The following PALLD variants were observed in gnomAD, a reference collection of about 807,000 sequenced individuals.
PALLD encodes palladin, cytoskeletal associated protein.
Under a neutral mutation model 123.5 loss-of-function variants are expected in PALLD, and 61 were observed. The ratio of observed to expected loss-of-function variants is 0.49; its 90% CI spans 0.40 to 0.61. The LOEUF is 0.61. PALLD is among the 20% of genes least tolerant of loss of function. PALLD has a pLI of 0.00. For missense variants in PALLD, 1,273 were observed against 1,377.0 expected, an observed-to-expected ratio of 0.92 and a Z score of 1.20; for synonymous variants, 465 against 496.4, an observed-to-expected ratio of 0.94 and a Z score of 0.84.
At chr4:168,553,453 G>A (rs572721439) in intron 2 of PALLD, among the ~76,000 whole-genome samples, 1 of 152,330 alleles carries the variant, frequency 6.6e-6, no homozygotes, top group South Asian at 2.1e-4. Flanking sequence ...GTTTAAACTA[G>A]TAAGTGACAT....
intron 10 of PALLD, among the ~76,000 whole-genome samples, chr4:168,862,007 G>A (rs1317706867): frequency 6.6e-6 from 1 of 152,106 alleles, no homozygotes; most frequent in Non-Finnish European, 1.5e-5. Flanking sequence ...GTTGTGAGCT[G>A]AGGTTGGAAA....
Position 168,894,627 on chromosome 4 carries a change from A to T in PALLD, c.2149A>T (p.Ser717Cys). 6.2e-7 allele frequency: 1 copy of T among 1,613,826 alleles called. No individual in the cohort carries two copies. The highest frequency in any genetic ancestry group is 1.1e-5 in the South Asian group (1 of 91,056). Residue 717 changes from serine (S) to cysteine (C), a missense_variant, in exon 12 of 22, where the codon AGT becomes TGT. Transcript: ENST00000505667. Reference protein sequence around the residue: ...RMARRLLGADSATVFNIQEPE... With the variant: ...RMARRLLGADCATVFNIQEPE... ...GGCTCGTCGACTGCTAGGTGCTGACAGTGCAACTGTCTTTAATATTCAGGA... is the reference window on the plus strand; with the variant it reads ...GGCTCGTCGACTGCTAGGTGCTGACTGTGCAACTGTCTTTAATATTCAGGA...
At chr4:168,925,682 TA>T (rs201771137) in intron 21 of PALLD, among the ~76,000 whole-genome samples, 16 of 152,000 alleles carry the variant, frequency 1.1e-4, no homozygotes, top group African/African-American at 2.9e-4. Flanking sequence ...TCCATTGACA[TA>T]AAAAAAACAC....
intron 2 of PALLD, among the ~76,000 whole-genome samples, chr4:168,558,410 G>A (rs17541400): frequency 0.12 from 17,866 of 152,194 alleles, 1,418 homozygotes; most frequent in South Asian, 0.17. Flanking sequence ...TGCAAGGAAG[G>A]CATTTCAAAG....
rs551713209 is a variant in PALLD, at chr4:168,666,864, T to C, written c.909-1326T>C. On this transcript the variant is annotated intron_variant, in intron 2 of 21. Transcript: ENST00000505667. ...GATAACAGAAAAAAAAGAAAGAGAC[T>C]GGAGGATGACTCTGGGCTGGAAAGT... Among the ~76,000 whole-genome samples, 6 of 152,234 alleles carry C rather than the reference T, an allele frequency of 3.9e-5. No homozygotes were observed. In the East Asian group the frequency reaches 1.2e-3, roughly 29 times the overall value.
At chr4:168,832,132 C>T (rs1182088543) in intron 10 of PALLD, 2 of 983,820 alleles carry the variant, frequency 2.0e-6, no homozygotes, top group Non-Finnish European at 2.4e-6. Context: ...GCTCCGGACG[C>T]GGAATCGGGC....
At chr4:168,624,288 T>C (rs543655202) in intron 2 of PALLD, among the ~76,000 whole-genome samples, 1 of 152,172 alleles carries the variant, frequency 6.6e-6, no homozygotes, top group South Asian at 2.1e-4. Context: ...GGCCAAGAAA[T>C]TTATTATATC....
intron 3 of PALLD, among the ~76,000 whole-genome samples, chr4:168,676,730 G>A (rs1377653927): frequency 6.8e-6 from 1 of 146,832 alleles, no homozygotes; most frequent in African/African-American, 2.7e-5. Flanking sequence ...GGACTACCAT[G>A]CCCATCTAAT....
chr4:168,720,914 A>G (rs1214228623), intron 10 of PALLD, among the ~76,000 whole-genome samples: 1 of 152,206 alleles, frequency 6.6e-6, no homozygotes, highest in African/African-American at 2.4e-5. Flanking sequence ...TAATGTAAAT[A>G]CTGGCTCTGA....
intron 8 of PALLD, among the ~76,000 whole-genome samples, chr4:168,691,675 A>G (rs1245648831): frequency 6.6e-6 from 1 of 152,134 alleles, no homozygotes; most frequent in African/African-American, 2.4e-5. Context: ...ACCCACTAAC[A>G]ACCCCAGCTT....
chr4:168,665,489 G>C (rs1333968044), intron 2 of PALLD, among the ~76,000 whole-genome samples: 1 of 152,182 alleles, frequency 6.6e-6, no homozygotes, highest in Non-Finnish European at 1.5e-5. Flanking sequence ...CATGAACCCG[G>C]GAGGCGGAGC....
chr4:168,899,810 G>C (rs28617745), intron 14 of PALLD, among the ~76,000 whole-genome samples: 1,703 of 152,026 alleles, frequency 0.011, 47 homozygotes, highest in African/African-American at 0.039. Flanking sequence ...TCAGCTACTT[G>C]GGAGGCTGAG....
chr4:168,833,101 G>A (rs867034174), intron 10 of PALLD, among the ~76,000 whole-genome samples: 3 of 152,300 alleles, frequency 2.0e-5, no homozygotes, highest in African/African-American at 7.2e-5. Context: ...CTTCCCGCCC[G>A]TTTGTCTCAT....
intron 10 of PALLD, among the ~76,000 whole-genome samples, chr4:168,863,245 A>T (rs936568668): frequency 1.3e-5 from 2 of 152,150 alleles, no homozygotes; most frequent in Non-Finnish European, 2.9e-5. Flanking sequence ...ACTGGGGAGA[A>T]CTCAGAGAAG....
chr4:168,793,977 A>G (rs892660374), intron 10 of PALLD, among the ~76,000 whole-genome samples: 2 of 152,178 alleles, frequency 1.3e-5, no homozygotes, highest in Non-Finnish European at 2.9e-5. Context: ...TGCCTAGGGT[A>G]TCCACCGGGG....
chr4:168,505,337 G>A (rs368895915), intron 1 of PALLD, among the ~76,000 whole-genome samples: 1 of 152,148 alleles, frequency 6.6e-6, no homozygotes, highest in African/African-American at 2.4e-5. Flanking sequence ...TTAATAAGCA[G>A]GTGAGATAAT....
chr4:168,605,092 G>GCTGCAA (rs1429041028), intron 2 of PALLD, among the ~76,000 whole-genome samples: 1 of 152,040 alleles, frequency 6.6e-6, no homozygotes, highest in African/African-American at 2.4e-5. Flanking sequence ...TGTGATCAAG[G>GCTGCAA]GGGTAATTAA....
chr4:168,771,510 G>A (rs1734437140), intron 10 of PALLD, among the ~76,000 whole-genome samples: 1 of 152,126 alleles, frequency 6.6e-6, no homozygotes, highest in East Asian at 1.9e-4. Flanking sequence ...ATAGAAGGCA[G>A]GCACCCATAC....
At chr4:168,520,510 T>C (rs1290785571) in intron 2 of PALLD, among the ~76,000 whole-genome samples, 1 of 152,140 alleles carries the variant, frequency 6.6e-6, no homozygotes, top group Non-Finnish European at 1.5e-5. Context: ...AACCGCTGTT[T>C]TCATCCAGTA....
Sources: gnomAD v4.1 joint callset for allele counts (sites outside exome capture counted in the v4.1 genomes callset) on GRCh38, gnomAD v4.1.1 for gene constraint, MANE v1.5 for transcripts, NCBI Gene and HGNC (gene_info 2026-07-23, HGNC 2026-07-21) for gene names.